The following KYNU variants were observed in gnomAD, a reference collection of about 807,000 sequenced individuals.
KYNU encodes the protein L-kynurenine hydrolase.
KYNU carries 54 observed loss-of-function variants against 59.2 expected under a neutral mutation model. The ratio of observed to expected loss-of-function variants is 0.91; its 90% confidence interval spans 0.73 to 1.14. KYNU has a LOEUF of 1.14. Among genes scored for constraint, KYNU ranks in the 50% most tolerant of loss-of-function variants. KYNU has a pLI of 0.00. For missense variants in KYNU, 567 were observed against 554.4 expected (o/e 1.02, Z -0.23); for synonymous variants, 177 against 192.0 (o/e 0.92, Z 0.65).
intron 8 of KYNU, among the ~76,000 whole-genome samples, chr2:142,972,060 C>A (rs1456834892): frequency 6.6e-6 from 1 of 152,140 alleles, no homozygotes; most frequent in East Asian, 1.9e-4. Context: ...GAGGTCCTTG[C>A]TAGCCAGAGA....
intron 2 of KYNU, among the ~76,000 whole-genome samples, chr2:142,895,912 G>A (rs751497479): frequency 2.4e-4 from 36 of 152,082 alleles, no homozygotes; most frequent in Non-Finnish European, 3.7e-4. Context: ...CTTGAACAAA[G>A]CTCAAGCAGT....
rs1015854419 is a variant in KYNU, at chr2:143,054,413, C to T, written c.*12241C>T. 6.6e-6 allele frequency: 1 copy of T among 151,814 alleles called. No homozygotes were observed. Among genetic ancestry groups the T allele is most frequent in the Non-Finnish European group, 1.5e-5 (1 of 67,976 alleles). 9.4% of individuals were successfully genotyped at this position (151,814 alleles called of 1,614,324 possible). On this transcript the variant is annotated 3_prime_UTR_variant, in exon 14 of 14. Transcript: ENST00000264170. ...ACAGATAATATTTGATGAAGAAAAT[C>T]GAATATAATCATTTTTCAATACTTA...
At chr2:143,014,432 C>T (rs1431485920) in intron 10 of KYNU, among the ~76,000 whole-genome samples, 2 of 152,154 alleles carry the variant, frequency 1.3e-5, no homozygotes, top group East Asian at 3.8e-4. Context: ...CTTCAGTTTT[C>T]TTTTATATGT....
chr2:142,949,067 T>C (rs1683896929), intron 4 of KYNU, among the ~76,000 whole-genome samples: 5 of 152,206 alleles, frequency 3.3e-5, no homozygotes, highest in Admixed American at 3.3e-4. Context: ...GGCAGTCAAA[T>C]CTTAAAGCTC....
chr2:143,051,579 A>G lies in KYNU; in HGVS notation c.*9407A>G, dbSNP rs1249755256. 6.6e-6 allele frequency: 1 copy of G among 152,156 alleles called. No individual in the cohort carries two copies. Among genetic ancestry groups the G allele is most frequent in the Non-Finnish European group, 1.5e-5 (1 of 68,040 alleles). 9.4% of individuals were successfully genotyped at this position (152,156 alleles called of 1,614,324 possible). A position where few individuals can be genotyped will look rare whatever the true frequency, so the allele number is the denominator to read the frequency against. On this transcript the variant is annotated 3_prime_UTR_variant, in exon 14 of 14. Coordinates refer to ENST00000264170, the MANE Select transcript of KYNU (RefSeq NM_003937.3). ...GGACCTGGTAAGAGGTAATTGAATC[A>G]TGGGGGCAGGACTTTCCCATGATGT... is the stretch of plus-strand genomic sequence containing the variant.
chr2:142,914,106 G>T (rs1385800918), intron 2 of KYNU, among the ~76,000 whole-genome samples: 2 of 152,220 alleles, frequency 1.3e-5, no homozygotes, highest in African/African-American at 2.4e-5. Context: ...CCCCTGCAAA[G>T]ATTCCAGGCT....
Position 143,042,041 on chromosome 2 carries a change from C to T in KYNU, c.1273-6C>T. ...ACATTATTGTGGCTTTATTTTTTCC[C>T]CACAGTGTGACAAGCGGAATCCAAA... On this transcript the variant is annotated splice_region_variant and splice_polypyrimidine_tract_variant and intron_variant, in intron 13 of 13. Coordinates refer to ENST00000264170, the MANE Select transcript of KYNU (RefSeq NM_003937.3). 1.2e-6 allele frequency: 2 copies of T among 1,611,036 alleles called. No individual in the cohort carries two copies. Among genetic ancestry groups the T allele is most frequent in the Non-Finnish European group, 1.7e-6 (2 of 1,178,050 alleles).
intron 10 of KYNU, among the ~76,000 whole-genome samples, chr2:142,995,956 A>G (rs913196896): frequency 6.6e-6 from 1 of 151,778 alleles, no homozygotes; most frequent in Non-Finnish European, 1.5e-5. Context: ...TGCCTGAACT[A>G]CTCTTATTTC....
chr2:142,927,816 A>G (rs1683092764), intron 4 of KYNU, 75 bp downstream of exon 4: 1 of 1,005,550 alleles, frequency 9.9e-7, no homozygotes, highest in Non-Finnish European at 1.6e-6. Flanking sequence ...ACAGGCTCAT[A>G]AAGTCAAAAT....
rs1015605214 is a variant in KYNU, at chr2:142,921,582, C to T, written c.290+2853C>T. On this transcript the variant is annotated intron_variant, in intron 3 of 13. Coordinates refer to ENST00000264170, the MANE Select transcript of KYNU (RefSeq NM_003937.3). ...CAGCACTTTGGGAGGCTGAGGCAAG[C>T]GGACCACAAAAGCCCAGTAGTTCCA... Among the ~76,000 whole-genome samples, 8 of 151,958 alleles carry T rather than the reference C, an allele frequency of 5.3e-5. No individual in the cohort carries two copies. In the East Asian group the frequency reaches 5.8e-4, roughly 11 times the overall value.
intron 4 of KYNU, among the ~76,000 whole-genome samples, chr2:142,930,073 T>C (rs888930496): frequency 1.3e-5 from 2 of 152,342 alleles, no homozygotes; most frequent in East Asian, 3.9e-4. Flanking sequence ...TATTTTGATT[T>C]TCTTCTTTAT....
intron 10 of KYNU, among the ~76,000 whole-genome samples, chr2:143,006,298 C>T (rs999515222): frequency 5.3e-4 from 81 of 151,866 alleles, no homozygotes; most frequent in African/African-American, 1.6e-3. Flanking sequence ...GGGTGACGGA[C>T]GCACCTGGAA....
chr2:143,033,899 T>C (rs1235102108), intron 12 of KYNU, among the ~76,000 whole-genome samples: 6 of 152,088 alleles, frequency 3.9e-5, no homozygotes, highest in African/African-American at 1.4e-4. Context: ...GGTTTTATGA[T>C]TTTTTTAAAT....
intron 2 of KYNU, among the ~76,000 whole-genome samples, chr2:142,906,740 G>T (rs144864199): frequency 6.6e-6 from 1 of 152,240 alleles, no homozygotes; most frequent in East Asian, 1.9e-4. Flanking sequence ...AAGAGGTATG[G>T]GTCAGAAGGA....
intron 8 of KYNU, among the ~76,000 whole-genome samples, chr2:142,976,563 C>G (rs952676711): frequency 6.6e-6 from 1 of 152,088 alleles, no homozygotes; most frequent in African/African-American, 2.4e-5. Flanking sequence ...TCTCTATGCA[C>G]TTACATTTTA....
chr2:142,900,518 C>T (rs902894459), intron 2 of KYNU, among the ~76,000 whole-genome samples: 9 of 152,160 alleles, frequency 5.9e-5, no homozygotes, highest in African/African-American at 1.9e-4. Context: ...ATTTCTTTAC[C>T]TCCTGTTTTT....
chr2:142,973,914 G>A (rs777926093), intron 8 of KYNU, among the ~76,000 whole-genome samples: 46 of 152,264 alleles, frequency 3.0e-4, no homozygotes, highest in Admixed American at 2.2e-3. Context: ...GCTTGACAAC[G>A]GGAGACAATA....
chr2:142,964,557 CT>C (rs1449659427), intron 8 of KYNU: 1 of 152,086 alleles, frequency 6.6e-6, no homozygotes, highest in African/African-American at 2.4e-5. Context: ...CTTCCAAATA[CT>C]TGTTGATTTT....
chr2:142,965,556 C>G (rs1385772270), intron 8 of KYNU, among the ~76,000 whole-genome samples: 2 of 152,110 alleles, frequency 1.3e-5, no homozygotes, highest in Non-Finnish European at 2.9e-5. Flanking sequence ...AGATATTTGT[C>G]TCAAATCCAG....
Sources: allele counts gnomAD v4.1 joint callset (sites outside exome capture counted in the v4.1 genomes callset), GRCh38; gene constraint gnomAD v4.1.1; transcripts MANE v1.5; gene names NCBI Gene and HGNC (gene_info 2026-07-23, HGNC 2026-07-21).